LUZP4: variants seen among roughly 807,000 people sequenced by gnomAD.
LUZP4 encodes HOM-TES-85 tumor antigen.
A neutral mutation model predicts 8.5 loss-of-function variants in LUZP4; 11 were observed. The observed-to-expected ratio is 1.30, with a 90% CI of 0.82 to 2.14. LUZP4 has a LOEUF of 2.14. Ranked by LOEUF, LUZP4 falls within the 30% of genes most tolerant of loss-of-function variation. The pLI is 0.00. For synonymous variants in LUZP4, 104 were observed against 79.4 expected, an observed-to-expected ratio of 1.31 and a Z score of -1.65; for missense variants, 276 against 229.7, an observed-to-expected ratio of 1.20 and a Z score of -1.30.
intron 3 of LUZP4, among the ~76,000 whole-genome samples, chrX:115,305,967 A>G (rs782603987): frequency 1.8e-5 from 2 of 111,377 alleles, no homozygotes; most frequent in South Asian, 3.8e-4. Context: ...AAAACAACTA[A>G]TTTTCCATAT....
At chrX:115,303,156 C>T (rs1359114974) in intron 2 of LUZP4, 144 bp from the exon 3 acceptor site, 3 of 329,579 alleles carry the variant, frequency 9.1e-6, no homozygotes, top group Non-Finnish European at 1.6e-5. Context: ...CAGTGAGACT[C>T]CCAGATGATA....
intron 1 of LUZP4, among the ~76,000 whole-genome samples, chrX:115,295,630 C>A (rs982735917): frequency 9.0e-6 from 1 of 110,706 alleles, no homozygotes; most frequent in African/African-American, 3.3e-5. Flanking sequence ...GGAAAAGGCT[C>A]TACAGATTTA....
intron 1 of LUZP4, among the ~76,000 whole-genome samples, chrX:115,297,745 T>A (rs907613437): frequency 2.2e-4 from 24 of 111,389 alleles, no homozygotes; most frequent in Non-Finnish European, 3.6e-4. Flanking sequence ...TTCTTTGGGT[T>A]AAATCTGCTT....
chrX:115,300,764 C>G (rs782249080), intron 1 of LUZP4, among the ~76,000 whole-genome samples: 2 of 95,165 alleles, frequency 2.1e-5, no homozygotes, highest in African/African-American at 7.6e-5. Context: ...CAGAGATGCT[C>G]TTGGCACCAC....
chrX:115,301,814 A>T (rs782412852), intron 1 of LUZP4, among the ~76,000 whole-genome samples, 178 bp from the exon 2 acceptor site: 1 of 112,206 alleles, frequency 8.9e-6, no homozygotes, highest in Non-Finnish European at 1.9e-5. Flanking sequence ...CAAACCTAAG[A>T]TGTCGGTACT....
At position 115,302,087 on chromosome X, in the gene LUZP4, C is replaced by T. The variant is rs782327243; in HGVS notation, c.187C>T (p.Gln63Ter). 7 of 1,195,650 alleles carry T rather than the reference C, an allele frequency of 5.9e-6. No homozygotes were observed. In the Admixed American group the frequency reaches 1.4e-4, roughly 24 times the overall value. ...NHSKKESPSR[Q>*]QSKAHRHRHR... ...TAGTAAAAAGGAATCGCCTTCAAGA[C>T]AGCAATCAAAAGCTCATAGACATCG... Residue 63 changes from glutamine (Q) to a stop codon, truncating the protein, a stop_gained, in exon 2 of 4, where the codon CAG (glutamine) becomes TAG (stop). Coordinates refer to ENST00000371920, the MANE Select transcript of LUZP4 (RefSeq NM_016383.5). LOFTEE classifies it high-confidence loss of function.
At chrX:115,293,597 T>TA (rs200317378) in intron 1 of LUZP4, among the ~76,000 whole-genome samples, 24 of 109,547 alleles carry the variant, frequency 2.2e-4, no homozygotes, top group African/African-American at 4.0e-4. Context: ...ATCCTTTTTT[T>TA]AAAAAAAAAG....
At position 115,289,904 on chromosome X, in the gene LUZP4, C is replaced by T. The variant is rs1569520070; in HGVS notation, c.91+54C>T. 4 of 878,704 alleles carry T rather than the reference C, an allele frequency of 4.6e-6. No homozygotes were observed. In the African/African-American group the frequency reaches 6.0e-5, roughly 13 times the overall value. The allele number at this position is 878,704 out of a possible 1,213,427, so 72.4% of individuals were successfully genotyped here. ...CTAGTTTGGGCTCACTGGTCTTGAGCGCAAGACCTCGGCATAGCGCTTACT... is the reference window on the plus strand; with the variant it reads ...CTAGTTTGGGCTCACTGGTCTTGAGTGCAAGACCTCGGCATAGCGCTTACT... On this transcript the variant is annotated intron_variant, in intron 1 of 3. Coordinates refer to ENST00000371920, the MANE Select transcript of LUZP4 (RefSeq NM_016383.5).
intron 1 of LUZP4, among the ~76,000 whole-genome samples, chrX:115,297,022 G>T (rs1323202452): frequency 9.0e-6 from 1 of 111,081 alleles, no homozygotes; most frequent in Non-Finnish European, 1.9e-5. Context: ...ATACAGGCAT[G>T]CGTGCAATTG....
chrX:115,307,113 T>C lies in LUZP4; in HGVS notation c.*309T>C, dbSNP rs183575744. ...TTTTGACTTAGTGTCCTGTCCCCCTTGGACGTTCCAACTTGACTTAGTGTC... is the reference window on the plus strand; with the variant it reads ...TTTTGACTTAGTGTCCTGTCCCCCTCGGACGTTCCAACTTGACTTAGTGTC... On this transcript the variant is annotated 3_prime_UTR_variant, in exon 4 of 4. Coordinates refer to ENST00000371920, the MANE Select transcript of LUZP4 (RefSeq NM_016383.5). 85 of 261,459 alleles carry C rather than the reference T, an allele frequency of 3.3e-4. No homozygotes were observed. The highest frequency in any genetic ancestry group is 2.2e-3 in the African/African-American group (81 of 36,852). 21.5% of individuals were successfully genotyped at this position (261,459 alleles called of 1,213,427 possible). A position where few individuals can be genotyped will look rare whatever the true frequency, so the allele number is the denominator to read the frequency against.
intron 1 of LUZP4, among the ~76,000 whole-genome samples, chrX:115,292,038 G>A (rs1239292164): frequency 8.9e-6 from 1 of 112,219 alleles, no homozygotes; most frequent in Non-Finnish European, 1.9e-5. Context: ...CACCCACCTC[G>A]GCCTCACACA....
In LUZP4 at chrX:115,303,418, G is replaced by A; in HGVS notation, c.342G>A (p.Gln114=). 9.5e-7 allele frequency: 1 copy of A among 1,048,569 alleles called. No homozygotes were observed. Among genetic ancestry groups the A allele is most frequent in the Non-Finnish European group, 1.3e-6 (1 of 771,101 alleles). The allele number at this position is 1,048,569 out of a possible 1,213,427, so 86.4% of individuals were successfully genotyped here. Residue 114 remains glutamine (Q), a splice_region_variant and synonymous_variant, in exon 3 of 4, where the codon CAG becomes CAA. Transcript: ENST00000371920. The part of the protein sequence containing the change: ...HPLNGQPLIE[Q]EKCSDNYEAQ... Reference sequence around the variant, plus strand: ...TAAATGGGCAGCCTTTAATTGAGCAGGTAGATAAGTACCAAGAATTAACCA... The same window carrying A: ...TAAATGGGCAGCCTTTAATTGAGCAAGTAGATAAGTACCAAGAATTAACCA...
rs781803345 is a variant in LUZP4, at chrX:115,289,777, G to A, written c.18G>A (p.Lys6=). Reference sequence around the variant, plus strand: ...CAGGGAAGATGGCTTCGTTTCGGAAGCTAACGCTTTCTGAAAAAGTGCCGC... The same window carrying A: ...CAGGGAAGATGGCTTCGTTTCGGAAACTAACGCTTTCTGAAAAAGTGCCGC... MASFR[K]LTLSEKVPPN... is the part of the protein sequence containing the mutation. Residue 6 remains lysine, a synonymous_variant, in exon 1 of 4, where the codon AAG becomes AAA. Coordinates refer to ENST00000371920, the MANE Select transcript of LUZP4 (RefSeq NM_016383.5). 3 of 1,209,342 alleles carry A rather than the reference G, an allele frequency of 2.5e-6. No homozygotes were observed. The highest frequency in any genetic ancestry group is 2.2e-6 in the Non-Finnish European group (2 of 893,630).
At chrX:115,305,796 G>A (rs1199501612) in intron 3 of LUZP4, among the ~76,000 whole-genome samples, 1 of 111,598 alleles carries the variant, frequency 9.0e-6, no homozygotes. Flanking sequence ...CATTGAGTAG[G>A]CAAAGAGTAA....
chrX:115,302,147 C>T (rs891863548), intron 2 of LUZP4, 24 bp downstream of exon 2: 11 of 1,136,806 alleles, frequency 9.7e-6, no homozygotes, highest in Non-Finnish European at 9.3e-6. Flanking sequence ...AAAATAGTCA[C>T]ACGTGGTAAA....
chrX:115,289,847 C>T lies in LUZP4; in HGVS notation c.88C>T (p.Leu30=). The T allele has an allele frequency of 8.4e-7, 1 of 1,188,587 alleles. No homozygotes were observed. Among genetic ancestry groups the T allele is most frequent in the Non-Finnish European group, 1.1e-6 (1 of 875,945 alleles). ...AAAGGTTAACTTCCTAGATATGTCT[C>T]TAGGTATGTAGATCTCGGATCCCAG... is the stretch of plus-strand genomic sequence containing the variant. ...RKKVNFLDMS[L]DDIIIYKELE... is the part of the protein sequence containing the mutation. Residue 30 remains leucine (L), a synonymous_variant, in exon 1 of 4, where the codon CTA becomes TTA. Coordinates refer to ENST00000371920, the MANE Select transcript of LUZP4 (RefSeq NM_016383.5).
intron 1 of LUZP4, among the ~76,000 whole-genome samples, chrX:115,298,844 C>T (rs1256539106): frequency 9.0e-6 from 1 of 111,373 alleles, no homozygotes; most frequent in East Asian, 2.8e-4. Flanking sequence ...TTCCTGGATG[C>T]TGTTGATACT....
chrX:115,301,968 T>C (rs1229089859), intron 1 of LUZP4, 24 bp from the exon 2 acceptor site: 3 of 1,062,799 alleles, frequency 2.8e-6, no homozygotes, highest in Non-Finnish European at 3.8e-6. Flanking sequence ...ATTTTATTCA[T>C]TTTTTATGTA....
At chrX:115,295,719 A>G (rs2073368148) in intron 1 of LUZP4, among the ~76,000 whole-genome samples, 1 of 110,749 alleles carries the variant, frequency 9.0e-6, no homozygotes. Context: ...AAAGGCAAAA[A>G]TAAGACCAAA....
Sources: allele counts gnomAD v4.1 joint callset (sites outside exome capture counted in the v4.1 genomes callset), GRCh38; gene constraint gnomAD v4.1.1; transcripts MANE v1.5; gene names NCBI Gene and HGNC (gene_info 2026-07-23, HGNC 2026-07-21).